GBP6: variants seen among roughly 807,000 people sequenced by gnomAD.
GBP6 encodes guanylate binding protein family member 6.
A neutral mutation model predicts 61.5 loss-of-function variants in GBP6; 54 were observed. That is an observed-to-expected ratio of 0.88 (90% CI 0.71 to 1.10). GBP6 has a LOEUF of 1.10. Ranked by LOEUF, GBP6 falls within the 50% of genes least tolerant of loss-of-function variation. The pLI is 0.00. For synonymous variants in GBP6, 255 were observed against 273.7 expected, an observed-to-expected ratio of 0.93 and a Z score of 0.67; for missense variants, 748 against 752.8, an observed-to-expected ratio of 0.99 and a Z score of 0.07.
chr1:89,374,079 A>G (rs996528389), intron 3 of GBP6, among the ~76,000 whole-genome samples: 1 of 152,022 alleles, frequency 6.6e-6, no homozygotes, highest in South Asian at 2.1e-4. Flanking sequence ...CTCTCCTGCT[A>G]CCATGTGAAG....
intron 2 of GBP6, 62 bp from the exon 3 acceptor site, chr1:89,369,484 G>C: frequency 6.4e-7 from 1 of 1,563,016 alleles, no homozygotes; most frequent in Non-Finnish European, 8.7e-7. Context: ...CTGATGCTGT[G>C]GCCCCAGGGC....
chr1:89,371,997 A>G (rs1435873204), intron 3 of GBP6, among the ~76,000 whole-genome samples: 1 of 152,104 alleles, frequency 6.6e-6, no homozygotes, highest in African/African-American at 2.4e-5. Context: ...TGCAAAAATC[A>G]CAAGCATTCT....
At chr1:89,366,649 G>A (rs570923325) in intron 1 of GBP6, among the ~76,000 whole-genome samples, 1 of 152,252 alleles carries the variant, frequency 6.6e-6, no homozygotes, top group Admixed American at 6.5e-5. Context: ...CAGAGGAATA[G>A]GTTGCCCGAT....
chr1:89,380,297 AAAAG>A (rs1454860286), intron 5 of GBP6, 85 bp from the exon 6 acceptor site: 3 of 1,202,014 alleles, frequency 2.5e-6, no homozygotes, highest in Non-Finnish European at 3.6e-6. Flanking sequence ...GAAGATGGCA[AAAAG>A]ACAATACACC....
intron 8 of GBP6, 78 bp downstream of exon 8, chr1:89,382,954 A>G (rs1653024471): frequency 2.3e-6 from 2 of 870,854 alleles, no homozygotes; most frequent in Non-Finnish European, 3.8e-6. Context: ...GGGTAATAAG[A>G]GAGCAGAGGG....
Position 89,384,080 on chromosome 1 carries a change from C to T in GBP6, c.1469-13C>T. The T allele has an allele frequency of 6.3e-7, 1 of 1,595,762 alleles. No individual in the cohort carries two copies. Among genetic ancestry groups the T allele is most frequent in the Non-Finnish European group, 8.5e-7 (1 of 1,173,402 alleles). On this transcript the variant is annotated splice_polypyrimidine_tract_variant and intron_variant, in intron 9 of 10. Transcript: ENST00000370456. The stretch of plus-strand genomic sequence containing the variant: ...TATTATTTTCTTCTCTTTCTAATAC[C>T]TTCATGGAGCAGTGGATCGGGCCAA...
intron 3 of GBP6, among the ~76,000 whole-genome samples, chr1:89,375,492 C>A (rs1652778489): frequency 6.6e-6 from 1 of 152,174 alleles, no homozygotes. Flanking sequence ...TTCAACCTAG[C>A]AATCCCATTA....
In GBP6 at chr1:89,381,682, T is replaced by C. The variant is rs752980616; in HGVS notation, c.872-12T>C. The C allele has an allele frequency of 5.0e-6, 8 of 1,585,522 alleles. No individual in the cohort carries two copies. Among genetic ancestry groups the C allele is most frequent in the African/African-American group, 2.7e-5 (2 of 74,066 alleles). ...TTTCATATTTAGCCCCTAAATCTCC[T>C]GGTTCATTTAGGTCTGGGAACTCTG... On this transcript the variant is annotated splice_polypyrimidine_tract_variant and intron_variant, in intron 6 of 10. Transcript: ENST00000370456.
intron 3 of GBP6, among the ~76,000 whole-genome samples, chr1:89,371,176 C>CT (rs1557537655): frequency 1.3e-5 from 2 of 152,160 alleles, no homozygotes; most frequent in East Asian, 3.8e-4. Flanking sequence ...ACAAAATTCC[C>CT]TTTTTTGAGA....
chr1:89,380,746 T>G, intron 6 of GBP6, 115 bp downstream of exon 6: 1 of 881,892 alleles, frequency 1.1e-6, no homozygotes, highest in Non-Finnish European at 1.7e-6. Context: ...TATACAGGTA[T>G]TCACACTCAG....
chr1:89,384,032 A>G, intron 9 of GBP6, 61 bp from the exon 10 acceptor site: 1 of 1,468,662 alleles, frequency 6.8e-7, no homozygotes, highest in Non-Finnish European at 9.1e-7. Context: ...CTCAGCTCAG[A>G]AAAGTGGAGA....
chr1:89,381,797 G>T lies in GBP6; in HGVS notation c.975G>T (p.Ala325=), dbSNP rs768067790. 3 of 1,613,960 alleles carry T rather than the reference G, an allele frequency of 1.9e-6. No individual in the cohort carries two copies. The highest frequency in any genetic ancestry group is 2.7e-5 in the African/African-American group (2 of 74,878). Residue 325 remains alanine (A), a synonymous_variant, in exon 7 of 11, where the codon GCG becomes GCT. Transcript: ENST00000370456. The part of the protein sequence containing the change: ...VITLAQRENS[A]AVQRAADYYS... Reference sequence around the variant, plus strand: ...CTCTGGCCCAGCGTGAGAACTCAGCGGCCGTGCAGAGGGCAGCTGACTACT... The same window carrying T: ...CTCTGGCCCAGCGTGAGAACTCAGCTGCCGTGCAGAGGGCAGCTGACTACT...
rs553420115 is a variant in GBP6 at position 89,372,506 on chromosome 1, A to G, written c.318+2833A>G. Reference sequence around the variant, plus strand: ...ACAGGACAGAGCTCTCAGAAATAATACCACACATCTACAACCATCTGATCT... The same window carrying G: ...ACAGGACAGAGCTCTCAGAAATAATGCCACACATCTACAACCATCTGATCT... On this transcript the variant is annotated intron_variant, in intron 3 of 10. Coordinates refer to ENST00000370456, the MANE Select transcript of GBP6 (RefSeq NM_198460.3). Among the ~76,000 whole-genome samples, 7 of 152,266 alleles carry G rather than the reference A, an allele frequency of 4.6e-5. No individual in the cohort carries two copies. The South Asian group carries it at 1.2e-3, about 27-fold the overall frequency.
rs192109827 is a variant in GBP6 at position 89,387,453 on chromosome 1, T to C, written c.*1984T>C. Reference sequence around the variant, plus strand: ...GTTTGTTTGAAGACAGATACCTTATTTTTCTGTACATCTCCTTGGGAGTAT... The same window carrying C: ...GTTTGTTTGAAGACAGATACCTTATCTTTCTGTACATCTCCTTGGGAGTAT... On this transcript the variant is annotated 3_prime_UTR_variant, in exon 11 of 11. Coordinates refer to ENST00000370456, the MANE Select transcript of GBP6 (RefSeq NM_198460.3). Among the ~76,000 whole-genome samples the C allele has an allele frequency of 5.3e-5, 8 of 152,342 alleles. No individual in the cohort carries two copies. The East Asian group carries it at 1.5e-3, about 29-fold the overall frequency.
Position 89,378,129 on chromosome 1 carries a change from C to A in GBP6, c.345C>A (p.Ile115=). 1 of 1,613,346 alleles carries A rather than the reference C, an allele frequency of 6.2e-7. No homozygotes were observed. Among genetic ancestry groups the A allele is most frequent in the Non-Finnish European group, 8.5e-7 (1 of 1,179,788 alleles). ...GTGACCCTAAGAATGACTCCTGGATCTTTGCCCTGGCTGTGCTCCTGTGCA... is the reference window on the plus strand; with the variant it reads ...GTGACCCTAAGAATGACTCCTGGATATTTGCCCTGGCTGTGCTCCTGTGCA... ...EKGDPKNDSW[I]FALAVLLCST... is the part of the protein sequence containing the mutation. Residue 115 remains isoleucine (I), a synonymous_variant, in exon 4 of 11, where the codon ATC becomes ATA. Transcript: ENST00000370456.
At position 89,384,122 on chromosome 1, in the gene GBP6, AAGGAAC is replaced by A. The variant is rs1204307109; in HGVS notation, c.1505_1510del (p.Gln502_Glu503del). 35 of 1,613,574 alleles carry A rather than the reference AAGGAAC, an allele frequency of 2.2e-5. No homozygotes were observed. The highest frequency in any genetic ancestry group is 2.9e-5 in the Non-Finnish European group (34 of 1,179,796). ...TCGGGCCAAGAAGGAGGCAGCTGAG[AAGGAAC>A]AGGAACTTTTAAAACAGAAATTACA... On this transcript the variant is annotated inframe_deletion, in exon 10 of 11. Coordinates refer to ENST00000370456, the MANE Select transcript of GBP6 (RefSeq NM_198460.3).
chr1:89,382,170 C>G (rs1480342895), intron 7 of GBP6, among the ~76,000 whole-genome samples, 196 bp downstream of exon 7: 1 of 152,156 alleles, frequency 6.6e-6, no homozygotes, highest in Non-Finnish European at 1.5e-5. Flanking sequence ...AAAATCAATA[C>G]AGATCACTTA....
chr1:89,377,963 T>A, intron 3 of GBP6, 140 bp from the exon 4 acceptor site: 1 of 725,316 alleles, frequency 1.4e-6, no homozygotes, highest in Non-Finnish European at 2.3e-6. Flanking sequence ...TGTAACAAAC[T>A]GTTGTTTACA....
chr1:89,383,071 A>G (rs1454936405), intron 8 of GBP6, among the ~76,000 whole-genome samples, 195 bp downstream of exon 8: 3 of 152,204 alleles, frequency 2.0e-5, no homozygotes, highest in South Asian at 2.1e-4. Flanking sequence ...TCCAGGAGAG[A>G]CAGAATGAAA....
Sources: allele counts gnomAD v4.1 joint callset (sites outside exome capture counted in the v4.1 genomes callset), GRCh38; gene constraint gnomAD v4.1.1; transcripts MANE v1.5; gene names NCBI Gene and HGNC (gene_info 2026-07-23, HGNC 2026-07-21).